ECSIT: variants seen among roughly 807,000 people sequenced by gnomAD.
The protein encoded by ECSIT is ECSIT signaling integrator, also known as evolutionarily conserved signaling intermediate in Toll pathway, mitochondrial.
A neutral mutation model predicts 36.8 loss-of-function variants in ECSIT; 29 were observed. The ratio of observed to expected loss-of-function variants is 0.79; its 90% CI spans 0.59 to 1.08. The LOEUF (loss-of-function observed/expected upper bound fraction) is 1.08, where lower values mean the gene tolerates loss of function less well. Ranked by LOEUF, ECSIT falls within the 50% of genes least tolerant of loss-of-function variation. The pLI, the probability that ECSIT is intolerant of heterozygous loss-of-function variation, is 0.00. For missense variants in ECSIT, 542 were observed against 581.0 expected, an observed-to-expected ratio of 0.93 and a Z score of 0.69; for synonymous variants, 231 against 234.8, an observed-to-expected ratio of 0.98 and a Z score of 0.15.
At chr19:11,520,607 C>T (rs904861292) in intron 1 of ECSIT, among the ~76,000 whole-genome samples, 2 of 151,894 alleles carry the variant, frequency 1.3e-5, no homozygotes, top group Non-Finnish European at 2.9e-5. Context: ...CTCTGCTTTC[C>T]GGGCTCACGA....
intron 1 of ECSIT, chr19:11,522,114 T>C: frequency 2.7e-6 from 1 of 377,190 alleles, no homozygotes; most frequent in South Asian, 2.4e-5. Flanking sequence ...ACTTTGTATC[T>C]CAGCTAAAGA....
At chr19:11,522,085 G>A in intron 1 of ECSIT, 3 of 346,556 alleles carry the variant, frequency 8.7e-6, no homozygotes, top group East Asian at 7.1e-5. Context: ...TCATGTCGTT[G>A]CCAAGTCCCA....
In ECSIT at chr19:11,515,492, C is replaced by A. The variant is rs188695723; in HGVS notation, c.97-1271G>T. On this transcript the variant is annotated intron_variant, in intron 2 of 7. Coordinates refer to ENST00000270517, the MANE Select transcript of ECSIT (RefSeq NM_016581.5). Reference sequence around the variant, plus strand: ...TTTTTTCTTGAGACAGAGTTTCACTCGTCGCCCAGGCTGGAATGCAATGGT... The same window carrying A: ...TTTTTTCTTGAGACAGAGTTTCACTAGTCGCCCAGGCTGGAATGCAATGGT... Among the ~76,000 whole-genome samples, 3 of 150,488 alleles carry A rather than the reference C, an allele frequency of 2.0e-5. No individual in the cohort carries two copies. In the East Asian group the frequency reaches 6.0e-4, roughly 30 times the overall value.
In ECSIT at chr19:11,506,154, C is replaced by A. The variant is rs1568399685; in HGVS notation, c.*30G>T. The A allele has an allele frequency of 3.8e-6, 6 of 1,599,736 alleles. No homozygotes were observed. The highest frequency in any genetic ancestry group is 5.1e-6 in the Non-Finnish European group (6 of 1,178,850). On this transcript the variant is annotated 3_prime_UTR_variant, in exon 8 of 8. Transcript: ENST00000270517. ...GCCTTCAGTCCACCGCCTCCTCGGGCCACAGCCCGTGCCCTCGCGCCGGCT... is the reference window on the plus strand; with the variant it reads ...GCCTTCAGTCCACCGCCTCCTCGGGACACAGCCCGTGCCCTCGCGCCGGCT...
At chr19:11,507,262 C>T (rs1971764939) in intron 7 of ECSIT, among the ~76,000 whole-genome samples, 195 bp downstream of exon 7, 1 of 150,600 alleles carries the variant, frequency 6.6e-6, no homozygotes, top group African/African-American at 2.5e-5. Context: ...TTTGGAAGTC[C>T]TGCCTGTCCA....
chr19:11,528,321 G>T (rs1972256478), intron 1 of ECSIT, among the ~76,000 whole-genome samples: 1 of 152,100 alleles, frequency 6.6e-6, no homozygotes, highest in African/African-American at 2.4e-5. Context: ...GCACAATCAC[G>T]GCTCACTACA....
rs1972051171 is a variant in ECSIT at position 11,519,045 on chromosome 19, T to C, written c.96+30A>G. ...AGCAAATCCCAAGCTTACCTCCCTC[T>C]ACCCAAAAGACTGCCTGGCTGGTGC... On this transcript the variant is annotated intron_variant, in intron 2 of 7. Coordinates refer to ENST00000270517, the MANE Select transcript of ECSIT (RefSeq NM_016581.5). The surrounding 1 kb of genome is among the most constrained non-coding windows in gnomAD (Gnocchi z 4.4). 1 of 1,538,558 alleles carries C rather than the reference T, an allele frequency of 6.5e-7. No individual in the cohort carries two copies. The highest frequency in any genetic ancestry group is 8.8e-7 in the Non-Finnish European group (1 of 1,135,138).
At chr19:11,507,643 C>T in intron 6 of ECSIT, 59 bp downstream of exon 6, 2 of 1,613,632 alleles carry the variant, frequency 1.2e-6, no homozygotes, top group Non-Finnish European at 1.7e-6. Flanking sequence ...CCCATGCACC[C>T]TCAGGGTAGT....
At chr19:11,521,643 C>A (rs1017808567) in intron 1 of ECSIT, among the ~76,000 whole-genome samples, 1 of 151,904 alleles carries the variant, frequency 6.6e-6, no homozygotes, top group African/African-American at 2.4e-5. Flanking sequence ...AGGCTGGGGG[C>A]ACACTCCTGC....
chr19:11,523,060 A>G (rs1972140434), intron 1 of ECSIT, among the ~76,000 whole-genome samples: 1 of 151,968 alleles, frequency 6.6e-6, no homozygotes, highest in Non-Finnish European at 1.5e-5. Flanking sequence ...GACAGAGTGA[A>G]AGAAAAAAAA....
In ECSIT at chr19:11,506,143, G is replaced by T; in HGVS notation, c.*41C>A. ...GGGCATCTCATGCCTTCAGTCCACCGCCTCCTCGGGCCACAGCCCGTGCCC... is the reference window on the plus strand; with the variant it reads ...GGGCATCTCATGCCTTCAGTCCACCTCCTCCTCGGGCCACAGCCCGTGCCC... On this transcript the variant is annotated 3_prime_UTR_variant, in exon 8 of 8. Transcript: ENST00000270517. 1 of 1,594,920 alleles carries T rather than the reference G, an allele frequency of 6.3e-7. No individual in the cohort carries two copies. Among genetic ancestry groups the T allele is most frequent in the Non-Finnish European group, 8.5e-7 (1 of 1,176,520 alleles).
intron 1 of ECSIT, chr19:11,522,526 C>T (rs1972126738): frequency 1.2e-6 from 1 of 841,914 alleles, no homozygotes; most frequent in African/African-American, 1.7e-5. Flanking sequence ...AGGTGTGCCC[C>T]ACGTAAACTC....
intron 2 of ECSIT, among the ~76,000 whole-genome samples, chr19:11,518,654 T>A (rs1366178834): frequency 6.6e-6 from 1 of 151,556 alleles, no homozygotes; most frequent in Non-Finnish European, 1.5e-5. Flanking sequence ...TCCCAGCACT[T>A]TGGGAGGCTG....
rs889719091 is a variant in ECSIT at position 11,513,166 on chromosome 19, C to T, written c.628G>A (p.Val210Ile). The part of the protein sequence containing the change: ...LKLWFPRFMN[V>I]NPFPVPRDLP... ...TCCCGGGGCACTGGGAAGGGGTTGACGTTCATGAATCGAGGGAACCACAGC... is the reference window on the plus strand; with the variant it reads ...TCCCGGGGCACTGGGAAGGGGTTGATGTTCATGAATCGAGGGAACCACAGC... Residue 210 changes from valine (V) to isoleucine (I), a missense_variant, in exon 4 of 8, where the codon GTC becomes ATC. Transcript: ENST00000270517. The T allele has an allele frequency of 3.7e-6, 6 of 1,614,146 alleles. No homozygotes were observed. Among genetic ancestry groups the T allele is most frequent in the Non-Finnish European group, 5.1e-6 (6 of 1,180,034 alleles).
In ECSIT at chr19:11,507,824, C is replaced by T. The variant is rs867307996; in HGVS notation, c.823G>A (p.Ala275Thr). 9.3e-6 allele frequency: 15 copies of T among 1,613,092 alleles called. No homozygotes were observed. The highest frequency in any genetic ancestry group is 2.7e-5 in the African/African-American group (2 of 74,908). ...VGIQSPDQQA[A>T]LARHNPARPV... ...CGGGCTGGATTGTGGCGGGCCAGGG[C>T]GGCCTGCTGATCGGGACTCTGGATT... Residue 275 changes from alanine (A) to threonine (T), a missense_variant, in exon 6 of 8, where the codon GCC (alanine) becomes ACC (threonine). Ala to Thr is a moderately conservative substitution (Grantham distance 58, BLOSUM62 0). Coordinates refer to ENST00000270517, the MANE Select transcript of ECSIT (RefSeq NM_016581.5).
chr19:11,505,929 T>G lies in ECSIT; in HGVS notation c.*255A>C. 1.1e-6 allele frequency: 1 copy of G among 895,384 alleles called. No individual in the cohort carries two copies. Among genetic ancestry groups the G allele is most frequent in the Non-Finnish European group, 1.6e-6 (1 of 625,274 alleles). The allele number at this position is 895,384 out of a possible 1,614,324, so 55.5% of individuals were successfully genotyped here. On this transcript the variant is annotated 3_prime_UTR_variant, in exon 8 of 8. Transcript: ENST00000270517. ...GGAGACCAAGAATGGAAACTGCGCA[T>G]GCGCACAACCAACAGCGCTCCCGCC...
intron 4 of ECSIT, among the ~76,000 whole-genome samples, chr19:11,512,201 C>T (rs1371502449): frequency 3.3e-5 from 5 of 150,992 alleles, no homozygotes; most frequent in East Asian, 2.0e-4. Flanking sequence ...AAAAATTAGC[C>T]GGGCGTGGTG....
chr19:11,515,696 C>T (rs536597081), intron 2 of ECSIT, among the ~76,000 whole-genome samples: 3 of 151,768 alleles, frequency 2.0e-5, no homozygotes, highest in East Asian at 3.9e-4. Flanking sequence ...TGCAGTCACA[C>T]GATCTCAGCT....
At position 11,506,022 on chromosome 19, in the gene ECSIT, C is replaced by T. The variant is rs1971726391; in HGVS notation, c.*162G>A. 1 of 1,268,690 alleles carries T rather than the reference C, an allele frequency of 7.9e-7. No homozygotes were observed. Among genetic ancestry groups the T allele is most frequent in the Non-Finnish European group, 1.1e-6 (1 of 924,740 alleles). 78.6% of individuals were successfully genotyped at this position (1,268,690 alleles called of 1,614,324 possible). A position where few individuals can be genotyped will look rare whatever the true frequency, so the allele number is the denominator to read the frequency against. On this transcript the variant is annotated 3_prime_UTR_variant, in exon 8 of 8. Transcript: ENST00000270517. ...CTGGAGGGGTCTCGCCTGCCCATCG[C>T]TGGCAGCCCGAGATCCTGGGGAGGG... is the stretch of plus-strand genomic sequence containing the variant.
Sources: allele counts gnomAD v4.1 joint callset (sites outside exome capture counted in the v4.1 genomes callset), GRCh38; gene constraint gnomAD v4.1.1; non-coding constraint Gnocchi (gnomAD v3.1); transcripts MANE v1.5; gene names NCBI Gene and HGNC (gene_info 2026-07-23, HGNC 2026-07-21).